IL18RAP: variants seen among roughly 807,000 people sequenced by gnomAD.
IL18RAP encodes the protein interleukin 18 receptor accessory protein.
In IL18RAP, 37 loss-of-function variants were observed where a neutral mutation model predicts 58.1. The observed-to-expected ratio is 0.64, with a 90% CI of 0.49 to 0.84. The LOEUF (loss-of-function observed/expected upper bound fraction) is 0.84. IL18RAP is among the 40% of genes least tolerant of loss of function. The pLI, the probability that IL18RAP is intolerant of heterozygous loss-of-function variation, is 0.00. For synonymous variants in IL18RAP, 268 were observed against 257.5 expected (o/e 1.04, Z -0.39); for missense variants, 667 against 704.8 (o/e 0.95, Z 0.61).
chr2:102,424,126 A>G lies in IL18RAP; in HGVS notation c.386A>G (p.Lys129Arg), dbSNP rs1402578851. 2 of 1,611,224 alleles carry G rather than the reference A, an allele frequency of 1.2e-6. No individual in the cohort carries two copies. The highest frequency in any genetic ancestry group is 2.7e-5 in the African/African-American group (2 of 74,786). Residue 129 changes from lysine (K) to arginine (R), a missense_variant, in exon 2 of 10, where the codon AAG becomes AGG. Lys to Arg is a conservative substitution (Grantham distance 26). Coordinates refer to ENST00000687160, the MANE Select transcript of IL18RAP (RefSeq NM_001393487.1). ...NNSGSYICRPKMIKSPYDVAC... is the reference protein window; with the variant it reads ...NNSGSYICRPRMIKSPYDVAC... ...TCTGGGTCATATATTTGTAGACCCAAGATGATTAAGTATGATCCAAATACA... is the reference window on the plus strand; with the variant it reads ...TCTGGGTCATATATTTGTAGACCCAGGATGATTAAGTATGATCCAAATACA...
At chr2:102,422,572 A>G (rs1184957001), upstream of IL18RAP, among the ~76,000 whole-genome samples, 3 of 152,100 alleles carry the variant, frequency 2.0e-5, no homozygotes, top group Non-Finnish European at 4.4e-5. Context: ...AGGTCCCATG[A>G]CTGCCTTATC....
At chr2:102,421,699 C>A (rs1681587948), upstream of IL18RAP, among the ~76,000 whole-genome samples, 1 of 152,190 alleles carries the variant, frequency 6.6e-6, no homozygotes. Flanking sequence ...CCCTTTCTTT[C>A]TTCCATGAAC....
chr2:102,424,200 C>G (rs79132833), intron 2 of IL18RAP, 31 bp from the exon 3 acceptor site: 101 of 1,610,220 alleles, frequency 6.3e-5, no homozygotes, highest in Non-Finnish European at 8.4e-5. Flanking sequence ...GACAAAATAT[C>G]TATGTTCACA....
Position 102,452,261 on chromosome 2 carries a change from T to A in IL18RAP, c.*80T>A. On this transcript the variant is annotated 3_prime_UTR_variant, in exon 10 of 10. Coordinates refer to ENST00000687160, the MANE Select transcript of IL18RAP (RefSeq NM_001393487.1). ...CAGAACTCACAGCTCTGTGTGTGTG[T>A]GTTCAGGCTGATAGGAAATTCAAAG... 1 of 1,321,346 alleles carries A rather than the reference T, an allele frequency of 7.6e-7. No individual in the cohort carries two copies. Among genetic ancestry groups the A allele is most frequent in the Non-Finnish European group, 1.0e-6 (1 of 960,144 alleles). 81.9% of individuals were successfully genotyped at this position (1,321,346 alleles called of 1,614,324 possible). A position where few individuals can be genotyped will look rare whatever the true frequency, so the allele number is the denominator to read the frequency against.
At chr2:102,441,213 A>G in intron 4 of IL18RAP, 99 bp from the exon 5 acceptor site, 1 of 857,930 alleles carries the variant, frequency 1.2e-6, no homozygotes, top group African/African-American at 1.7e-5. Context: ...ACAGAGCTCC[A>G]AGACATTTAG....
Position 102,443,190 on chromosome 2 carries a change from T to C in IL18RAP, c.797-10T>C, listed in dbSNP as rs1683209600. On this transcript the variant is annotated splice_polypyrimidine_tract_variant and intron_variant, in intron 5 of 9. Transcript: ENST00000687160. ...TTCCTTCTTGTTTTCTCTGGCCTCTTCATTTTCAGGAAAGCCTTTAACTAT... is the reference window on the plus strand; with the variant it reads ...TTCCTTCTTGTTTTCTCTGGCCTCTCCATTTTCAGGAAAGCCTTTAACTAT... The C allele has an allele frequency of 1.2e-6, 2 of 1,606,932 alleles. No homozygotes were observed. Among genetic ancestry groups the C allele is most frequent in the East Asian group, 4.5e-5 (2 of 44,790 alleles).
At chr2:102,437,023 G>GA (rs1328397570) in intron 3 of IL18RAP, among the ~76,000 whole-genome samples, 189 bp from the exon 4 acceptor site, 1 of 152,062 alleles carries the variant, frequency 6.6e-6, no homozygotes, top group Non-Finnish European at 1.5e-5. Context: ...AATTGTATTG[G>GA]AAAATGCCTC....
At position 102,447,130 on chromosome 2, in the gene IL18RAP, G is replaced by A. The variant is rs762224818; in HGVS notation, c.1133G>A (p.Ser378Asn). Residue 378 changes from serine (S) to asparagine (N), a missense_variant, in exon 8 of 10, where the codon AGT becomes AAT. Physicochemically the swap from Ser to Asn is conservative, Grantham distance 46. Coordinates refer to ENST00000687160, the MANE Select transcript of IL18RAP (RefSeq NM_001393487.1). The part of the protein sequence containing the change: ...IGTLVAVLAA[S>N]ALLYRHWIEI... ...ACCCTGGTGGCCGTGCTGGCGGCGA[G>A]TGCCCTCCTCTACAGGCACTGGATT... 1 of 1,614,146 alleles carries A rather than the reference G, an allele frequency of 6.2e-7. No individual in the cohort carries two copies. Among genetic ancestry groups the A allele is most frequent in the Non-Finnish European group, 8.5e-7 (1 of 1,180,028 alleles).
chr2:102,433,215 T>C (rs1470789470), intron 3 of IL18RAP, among the ~76,000 whole-genome samples: 1 of 152,180 alleles, frequency 6.6e-6, no homozygotes, highest in Non-Finnish European at 1.5e-5. Flanking sequence ...CTATGTTGCA[T>C]GGAAGGTTTT....
chr2:102,433,450 A>T (rs2041756), intron 3 of IL18RAP, among the ~76,000 whole-genome samples: 2 of 152,088 alleles, frequency 1.3e-5, no homozygotes, highest in Non-Finnish European at 2.9e-5. Flanking sequence ...TTTCAAATTC[A>T]TGGTTTCAAC....
chr2:102,438,466 A>G (rs982413485), intron 4 of IL18RAP, among the ~76,000 whole-genome samples: 3 of 152,202 alleles, frequency 2.0e-5, no homozygotes, highest in African/African-American at 7.2e-5. Flanking sequence ...TATATAGATA[A>G]GATTTCATTT....
chr2:102,431,211 G>C (rs1286468153), intron 3 of IL18RAP, among the ~76,000 whole-genome samples: 5 of 151,976 alleles, frequency 3.3e-5, no homozygotes, highest in African/African-American at 1.2e-4. Context: ...AGTTTGTTTG[G>C]GTTTTTTTCC....
chr2:102,428,955 C>A (rs967274145), intron 3 of IL18RAP, among the ~76,000 whole-genome samples: 7 of 151,930 alleles, frequency 4.6e-5, no homozygotes, highest in African/African-American at 7.2e-5. Flanking sequence ...CGATTGAGAT[C>A]ATCATACAGT....
At chr2:102,426,165 T>C (rs1681925526) in intron 3 of IL18RAP, among the ~76,000 whole-genome samples, 1 of 152,178 alleles carries the variant, frequency 6.6e-6, no homozygotes, top group African/African-American at 2.4e-5. Flanking sequence ...AAAAAACACC[T>C]AATGCCTTTT....
chr2:102,452,423 C>T lies in IL18RAP; in HGVS notation c.*242C>T, dbSNP rs539662046. The T allele has an allele frequency of 4.5e-6, 2 of 444,630 alleles. No homozygotes were observed. The highest frequency in any genetic ancestry group is 3.3e-5 in the East Asian group (1 of 29,906). The allele number at this position is 444,630 out of a possible 1,614,324, so 27.5% of individuals were successfully genotyped here. A position where few individuals can be genotyped will look rare whatever the true frequency, so the allele number is the denominator to read the frequency against. On this transcript the variant is annotated 3_prime_UTR_variant, in exon 10 of 10. Transcript: ENST00000687160. ...CTTGGGTACTTTCAGTACACAACAC[C>T]CCTAAGATTTCCCAGTGGTCCGAGC...
chr2:102,425,160 G>A (rs1681860254), intron 3 of IL18RAP, among the ~76,000 whole-genome samples: 1 of 152,108 alleles, frequency 6.6e-6, no homozygotes, highest in Non-Finnish European at 1.5e-5. Context: ...TCCTACAATT[G>A]CAATAACTAT....
At chr2:102,427,752 A>G (rs939160785) in intron 3 of IL18RAP, among the ~76,000 whole-genome samples, 2 of 152,030 alleles carry the variant, frequency 1.3e-5, no homozygotes, top group African/African-American at 4.8e-5. Context: ...TTTCAGGGTC[A>G]TATTCAAAAG....
upstream of IL18RAP, chr2:102,419,371 T>C (rs1681432420): frequency 6.6e-6 from 1 of 152,244 alleles, no homozygotes; most frequent in South Asian, 2.1e-4. Flanking sequence ...CTGTCACTAT[T>C]ACACGAGACC....
At chr2:102,450,767 A>G (rs181642767) in intron 8 of IL18RAP, 81 bp from the exon 9 acceptor site, 9 of 732,866 alleles carry the variant, frequency 1.2e-5, no homozygotes, top group African/African-American at 1.8e-5. Context: ...TTACCATATG[A>G]TTCAAGCATA....
Sources: gnomAD v4.1 joint callset for allele counts (sites outside exome capture counted in the v4.1 genomes callset) on GRCh38, gnomAD v4.1.1 for gene constraint, MANE v1.5 for transcripts, NCBI Gene and HGNC (gene_info 2026-07-23, HGNC 2026-07-21) for gene names.